The following KIAA1217 variants were observed in gnomAD, a reference collection of about 807,000 sequenced individuals.
The protein encoded by KIAA1217 is sickle tail protein homolog.
KIAA1217 carries 88 observed loss-of-function variants against 163.9 expected under a neutral mutation model. That is an observed-to-expected ratio of 0.54 (90% CI 0.45 to 0.64). KIAA1217 has a LOEUF of 0.64. KIAA1217 is among the 30% of genes least tolerant of loss of function. KIAA1217 has a pLI of 0.00. For synonymous variants in KIAA1217, 903 were observed against 923.1 expected, an observed-to-expected ratio of 0.98 and a Z score of 0.39; for missense variants, 2,372 against 2,475.0, an observed-to-expected ratio of 0.96 and a Z score of 0.88.
intron 1 of KIAA1217, among the ~76,000 whole-genome samples, chr10:23,842,776 A>T (rs182593101): frequency 3.3e-4 from 50 of 152,098 alleles, no homozygotes; most frequent in African/African-American, 1.2e-3. Context: ...ATCATCTATT[A>T]TCCAAGCAGA....
intron 2 of KIAA1217, among the ~76,000 whole-genome samples, chr10:24,170,792 A>G (rs2065592383): frequency 6.6e-6 from 1 of 152,218 alleles, no homozygotes; most frequent in South Asian, 2.1e-4. Flanking sequence ...ATGGATTGAA[A>G]TTTAGAAACC....
intron 1 of KIAA1217, among the ~76,000 whole-genome samples, chr10:23,934,625 A>ATATATATTTTTT (rs1554826424): frequency 1.5e-5 from 1 of 68,550 alleles, no homozygotes. Context: ...ATATATATAT[A>ATATATATTTTTT]TTTTTTTTTT....
chr10:24,369,792 C>G (rs191032777), intron 2 of KIAA1217, among the ~76,000 whole-genome samples: 6 of 152,284 alleles, frequency 3.9e-5, no homozygotes, highest in Admixed American at 6.5e-5. Flanking sequence ...AAAGTGCATT[C>G]CTGACTTTCT....
intron 1 of KIAA1217, among the ~76,000 whole-genome samples, chr10:23,854,973 G>T (rs1287589206): frequency 6.6e-6 from 1 of 152,182 alleles, no homozygotes; most frequent in East Asian, 1.9e-4. Flanking sequence ...TGTCCAATTT[G>T]CCAGTCTGTG....
chr10:24,339,835 T>C (rs1344048396), intron 2 of KIAA1217, among the ~76,000 whole-genome samples: 1 of 152,196 alleles, frequency 6.6e-6, no homozygotes, highest in Non-Finnish European at 1.5e-5. Flanking sequence ...TGAAGAACTT[T>C]AGTGTCCCCC....
At chr10:24,366,130 TG>T (rs1219112267) in intron 2 of KIAA1217, among the ~76,000 whole-genome samples, 6 of 152,154 alleles carry the variant, frequency 3.9e-5, no homozygotes, top group African/African-American at 7.2e-5. Flanking sequence ...TTCACTGCCA[TG>T]TTTTTTTAAA....
chr10:23,956,500 G>T (rs1252182840), intron 1 of KIAA1217, among the ~76,000 whole-genome samples: 1 of 152,058 alleles, frequency 6.6e-6, no homozygotes, highest in Non-Finnish European at 1.5e-5. Context: ...CAGTCACCTT[G>T]ATACTGCCTT....
intron 1 of KIAA1217, among the ~76,000 whole-genome samples, chr10:23,716,617 A>G (rs1306935772): frequency 6.6e-6 from 1 of 151,904 alleles, no homozygotes; most frequent in Non-Finnish European, 1.5e-5. Context: ...TCCCTTCCCC[A>G]CCTCCAGCCT....
chr10:24,065,894 T>G (rs2131614145), intron 2 of KIAA1217, among the ~76,000 whole-genome samples: 1 of 152,348 alleles, frequency 6.6e-6, no homozygotes, highest in Middle Eastern at 3.4e-3. Flanking sequence ...TAACATTATG[T>G]AATGGCCTTC....
At chr10:23,726,979 C>CTTTTTTTTTTTTTTTTTTTTTTTTT (rs1012125050) in intron 1 of KIAA1217, among the ~76,000 whole-genome samples, 1 of 93,416 alleles carries the variant, frequency 1.1e-5, no homozygotes, top group African/African-American at 4.8e-5. Flanking sequence ...GTATAGGCCT[C>CTTTTTTTTTTTTTTTTTTTTTTTTT]TTTTTTTTTT....
chr10:23,984,303 T>A (rs572761602), intron 1 of KIAA1217, among the ~76,000 whole-genome samples: 1 of 152,318 alleles, frequency 6.6e-6, no homozygotes, highest in African/African-American at 2.4e-5. Context: ...ACTGTTGGTG[T>A]CCTATAGGTC....
chr10:24,379,131 A>AG (rs199515138), intron 2 of KIAA1217, among the ~76,000 whole-genome samples: 1,737 of 152,002 alleles, frequency 0.011, 36 homozygotes, highest in African/African-American at 0.04. Context: ...CTTCTTTAAA[A>AG]AAAAATGTCA....
chr10:24,493,300 C>G (rs1448714988), intron 6 of KIAA1217, among the ~76,000 whole-genome samples: 1 of 152,352 alleles, frequency 6.6e-6, no homozygotes, highest in African/African-American at 2.4e-5. Flanking sequence ...GAGGTCCCCT[C>G]TCTTATCTCA....
At chr10:24,208,382 T>A (rs1436428362), upstream of KIAA1217, among the ~76,000 whole-genome samples, 1 of 150,894 alleles carries the variant, frequency 6.6e-6, no homozygotes, top group East Asian at 1.9e-4. Flanking sequence ...TGGGTGTGTG[T>A]GTGTGTGTGT....
At chr10:24,418,064 A>G (rs1161150472) in intron 3 of KIAA1217, among the ~76,000 whole-genome samples, 8 of 151,802 alleles carry the variant, frequency 5.3e-5, no homozygotes, top group Admixed American at 5.2e-4. Context: ...CTCCTGCCTC[A>G]GCCTCCGTAG....
chr10:23,929,584 T>C (rs1369716920), intron 1 of KIAA1217, among the ~76,000 whole-genome samples: 1 of 152,210 alleles, frequency 6.6e-6, no homozygotes, highest in Non-Finnish European at 1.5e-5. Context: ...TGTTCCTGTG[T>C]TAATTTGCTT....
chr10:23,854,824 C>T (rs1839562724), intron 1 of KIAA1217, among the ~76,000 whole-genome samples: 1 of 152,124 alleles, frequency 6.6e-6, no homozygotes, highest in South Asian at 2.1e-4. Context: ...TTATCAGAGT[C>T]TAGGATTGCA....
At chr10:23,917,466 G>A (rs573453390) in intron 1 of KIAA1217, among the ~76,000 whole-genome samples, 19 of 152,322 alleles carry the variant, frequency 1.2e-4, no homozygotes, top group Middle Eastern at 3.4e-3. Context: ...GAGGGCAGTG[G>A]AAGAAGGAAA....
chr10:24,448,399 T>C (rs564770816), intron 5 of KIAA1217, among the ~76,000 whole-genome samples: 42 of 152,272 alleles, frequency 2.8e-4, no homozygotes, highest in African/African-American at 9.9e-4. Context: ...ATTTTTATTT[T>C]ATTTTGAAGG....
Sources: gnomAD v4.1 joint callset for allele counts (sites outside exome capture counted in the v4.1 genomes callset) on GRCh38, gnomAD v4.1.1 for gene constraint, MANE v1.5 for transcripts, NCBI Gene and HGNC (gene_info 2026-07-23, HGNC 2026-07-21) for gene names.